KIF5C: variants seen among roughly 807,000 people sequenced by gnomAD.
KIF5C encodes the protein kinesin heavy chain isoform 5C.
Under a neutral mutation model 125.2 loss-of-function variants are expected in KIF5C, and 18 were observed. The observed-to-expected ratio is 0.14, with a 90% confidence interval of 0.10 to 0.21. The LOEUF (loss-of-function observed/expected upper bound fraction) is 0.21. KIF5C is among the 10% of genes least tolerant of loss of function. KIF5C has a pLI of 1.00. For synonymous variants in KIF5C, 405 were observed against 434.0 expected, an observed-to-expected ratio of 0.93 and a Z score of 0.83; for missense variants, 780 against 1,183.8, an observed-to-expected ratio of 0.66 and a Z score of 5.01.
Position 149,011,632 on chromosome 2 carries a change from G to T in KIF5C, c.2830G>T (p.Gly944Trp), listed in dbSNP as rs779740680. The T allele has an allele frequency of 1.2e-6, 2 of 1,614,066 alleles. No individual in the cohort carries two copies. The highest frequency in any genetic ancestry group is 1.1e-5 in the South Asian group (1 of 91,088). ...TCCAACGGCCGTCCATGCCATTCGA[G>T]GGGGAGGAGGCAGCTCTTCAAATTC... ...SSPTAVHAIRGGGGSSSNSTH... is the reference protein window; with the variant it reads ...SSPTAVHAIRWGGGSSSNSTH... Residue 944 changes from glycine to tryptophan, a missense_variant, in exon 25 of 26, where the codon GGG becomes TGG. Physicochemically the swap from Gly to Trp is radical, Grantham distance 184 (BLOSUM62 -2). This residue lies in a region of KIF5C where 573 missense variants were observed against 742.6 expected (regional missense o/e 0.77). Coordinates refer to ENST00000435030, the MANE Select transcript of KIF5C (RefSeq NM_004522.3).
intron 18 of KIF5C, 25 bp from the exon 19 acceptor site, chr2:148,998,375 A>G (rs901062378): frequency 4.5e-6 from 7 of 1,553,730 alleles, no homozygotes; most frequent in Non-Finnish European, 6.1e-6. Context: ...AGTAGATGAC[A>G]TGTTTCTCTT....
intron 11 of KIF5C, among the ~76,000 whole-genome samples, chr2:148,967,659 A>G (rs1418454910): frequency 6.6e-6 from 1 of 152,160 alleles, no homozygotes; most frequent in East Asian, 1.9e-4. Flanking sequence ...TACTAGTGAC[A>G]TCTTGTGGGC....
intron 21 of KIF5C, among the ~76,000 whole-genome samples, chr2:149,003,006 C>T (rs1287721951): frequency 6.6e-6 from 1 of 152,188 alleles, no homozygotes; most frequent in Non-Finnish European, 1.5e-5. Flanking sequence ...AGGCTGCTCC[C>T]CGCTCTCACC....
At chr2:148,923,418 GA>G (rs903886092) in intron 2 of KIF5C, among the ~76,000 whole-genome samples, 2 of 151,942 alleles carry the variant, frequency 1.3e-5, no homozygotes, top group South Asian at 4.2e-4. Flanking sequence ...AACCCAATGA[GA>G]AAAAAAATAT....
At chr2:148,911,904 G>A (rs2105068420) in intron 1 of KIF5C, among the ~76,000 whole-genome samples, 1 of 152,236 alleles carries the variant, frequency 6.6e-6, no homozygotes, top group East Asian at 1.9e-4. Flanking sequence ...AATGACATTT[G>A]CCTGTGGTGC....
chr2:148,938,701 G>C (rs114044518), intron 4 of KIF5C, among the ~76,000 whole-genome samples: 3 of 152,088 alleles, frequency 2.0e-5, no homozygotes, highest in Non-Finnish European at 4.4e-5. Context: ...AAGAAGCCTC[G>C]CTAAGCAGAT....
At chr2:149,012,622 C>T (rs1432305397) in intron 25 of KIF5C, among the ~76,000 whole-genome samples, 1 of 152,252 alleles carries the variant, frequency 6.6e-6, no homozygotes, top group Non-Finnish European at 1.5e-5. Context: ...GCTAAAACTT[C>T]CAAGGGAAAT....
At chr2:149,011,529 C>A in intron 24 of KIF5C, 41 bp from the exon 25 acceptor site, 1 of 1,610,410 alleles carries the variant, frequency 6.2e-7, no homozygotes, top group East Asian at 2.2e-5. Flanking sequence ...TAAGACTTTT[C>A]TAAATGTCTG....
At chr2:148,890,863 G>A (rs1681689502) in intron 1 of KIF5C, among the ~76,000 whole-genome samples, 1 of 152,178 alleles carries the variant, frequency 6.6e-6, no homozygotes, top group African/African-American at 2.4e-5. Flanking sequence ...TCTTGACTTA[G>A]CATCCAAAAG....
intron 1 of KIF5C, among the ~76,000 whole-genome samples, chr2:148,899,337 T>A (rs1168131762): frequency 6.6e-6 from 1 of 152,162 alleles, no homozygotes; most frequent in Non-Finnish European, 1.5e-5. Flanking sequence ...ACAGGTGAAG[T>A]AAAGCAAATT....
chr2:148,950,082 T>G, intron 9 of KIF5C, 139 bp downstream of exon 9: 6 of 1,380,448 alleles, frequency 4.3e-6, no homozygotes, highest in Non-Finnish European at 5.8e-6. Context: ...TGGCTATGGA[T>G]GCCTGCTTGC....
At position 148,876,624 on chromosome 2, in the gene KIF5C, T is replaced by G. The variant is rs539344998; in HGVS notation, c.126+881T>G. ...TCCCCACCTTTTCTCCCCCACCCCC[T>G]CCCCCTACTTAGCTCCCTCTCTGCA... On this transcript the variant is annotated intron_variant, in intron 1 of 25. Transcript: ENST00000435030. This position sits in a 1 kb window ranked among gnomAD's most constrained non-coding sequence, Gnocchi z 4.7. Among the ~76,000 whole-genome samples the G allele has an allele frequency of 6.3e-4, 86 of 136,626 alleles. No individual in the cohort carries two copies. The highest frequency in any genetic ancestry group is 2.2e-3 in the South Asian group (9 of 4,118). 89.6% of individuals were successfully genotyped at this position (136,626 alleles called of 152,430 possible).
intron 10 of KIF5C, among the ~76,000 whole-genome samples, chr2:148,960,121 C>A (rs929424577): frequency 6.6e-6 from 1 of 152,152 alleles, no homozygotes; most frequent in African/African-American, 2.4e-5. Flanking sequence ...TGGGGATTTC[C>A]TAGGCAATTG....
intron 17 of KIF5C, 63 bp from the exon 18 acceptor site, chr2:148,997,201 T>G (rs1035725064): frequency 6.4e-7 from 1 of 1,557,844 alleles, no homozygotes; most frequent in Admixed American, 1.9e-5. Flanking sequence ...GTTTTTTAAT[T>G]TTTGCTTTTG....
chr2:148,924,382 C>A lies in KIF5C; in HGVS notation c.217+2155C>A, dbSNP rs1368112311. 6.6e-6 allele frequency among the ~76,000 whole-genome samples: 1 copy of A among 152,194 alleles called. No homozygotes were observed. Among genetic ancestry groups the A allele is most frequent in the African/African-American group, 2.4e-5 (1 of 41,442 alleles). On this transcript the variant is annotated intron_variant, in intron 2 of 25. Coordinates refer to ENST00000435030, the MANE Select transcript of KIF5C (RefSeq NM_004522.3). This position sits in a 1 kb window ranked among gnomAD's most constrained non-coding sequence, Gnocchi z 4.0. Reference sequence around the variant, plus strand: ...TGGGTGGACCAAGGAGCATTCCTTTCAAGTCCATCTAAACTCTTAATGATT... The same window carrying A: ...TGGGTGGACCAAGGAGCATTCCTTTAAAGTCCATCTAAACTCTTAATGATT...
chr2:148,986,288 G>T (rs1489848686), intron 15 of KIF5C, among the ~76,000 whole-genome samples: 1 of 152,102 alleles, frequency 6.6e-6, no homozygotes, highest in Non-Finnish European at 1.5e-5. Flanking sequence ...GGATATTTTT[G>T]AGATTATTTT....
intron 12 of KIF5C, among the ~76,000 whole-genome samples, chr2:148,976,109 G>C (rs1261345907): frequency 1.3e-5 from 2 of 152,112 alleles, no homozygotes; most frequent in African/African-American, 4.8e-5. Flanking sequence ...CCAAGCTTAA[G>C]TAGAAATGAA....
chr2:148,927,227 G>T (rs146368097), intron 2 of KIF5C, among the ~76,000 whole-genome samples: 2,869 of 152,292 alleles, frequency 0.019, 36 homozygotes, highest in Non-Finnish European at 0.026. Context: ...AGGCGTGGAT[G>T]AGACCCGGGA....
rs144439721 is a variant in KIF5C at position 148,882,277 on chromosome 2, G to A, written c.126+6534G>A. 1.1e-3 allele frequency among the ~76,000 whole-genome samples: 166 copies of A among 152,258 alleles called. 1 individual carries two copies. The highest frequency in any genetic ancestry group is 1.5e-3 in the Non-Finnish European group (101 of 68,012). On this transcript the variant is annotated intron_variant, in intron 1 of 25. Transcript: ENST00000435030. ...ACGCTGAGTTCCAGTTTTCTCACCC[G>A]TAAAATAGAGATAACAACACTCTCC...
Sources: allele counts gnomAD v4.1 joint callset (sites outside exome capture counted in the v4.1 genomes callset), GRCh38; gene constraint gnomAD v4.1.1; regional missense constraint gnomAD v4.1.1; non-coding constraint Gnocchi (gnomAD v3.1); transcripts MANE v1.5; gene names NCBI Gene and HGNC (gene_info 2026-07-23, HGNC 2026-07-21).